The following PI16 variants were observed in gnomAD, a reference collection of about 807,000 sequenced individuals.
PI16 encodes the protein PSP94-binding protein.
PI16 carries 35 observed loss-of-function variants against 38.0 expected under a neutral mutation model. The observed-to-expected ratio is 0.92, with a 90% CI of 0.70 to 1.22. PI16 has a LOEUF of 1.22. PI16 is among the 50% of genes most tolerant of loss of function. The pLI is 0.00. For missense variants in PI16, 572 were observed against 593.8 expected, an observed-to-expected ratio of 0.96 and a Z score of 0.38; for synonymous variants, 275 against 252.9, an observed-to-expected ratio of 1.09 and a Z score of -0.83.
chr6:36,956,237 C>A (rs1030965244), intron 1 of PI16, among the ~76,000 whole-genome samples: 1 of 152,184 alleles, frequency 6.6e-6, no homozygotes, highest in Admixed American at 6.5e-5. Context: ...TGCCAGCCTG[C>A]ACATCGAGGA....
rs764737934 is a variant in PI16, at chr6:36,959,296, A to G, written c.323A>G (p.His108Arg). ...CCGCTGGCCATGGAGGAGTGGCACC[A>G]CGAGCGTGAGCACTACAACCTCAGC... ...DVPLAMEEWH[H>R]EREHYNLSAA... Residue 108 changes from histidine to arginine, a missense_variant, in exon 2 of 7, where the codon CAC (histidine) becomes CGC (arginine). Transcript: ENST00000373674. The G allele has an allele frequency of 1.9e-6, 3 of 1,592,228 alleles. No individual in the cohort carries two copies. In the South Asian group the frequency reaches 3.4e-5, roughly 18 times the overall value.
At chr6:36,957,055 C>G (rs1360606053) in intron 1 of PI16, among the ~76,000 whole-genome samples, 6 of 152,214 alleles carry the variant, frequency 3.9e-5, no homozygotes, top group Non-Finnish European at 8.8e-5. Flanking sequence ...TGTTCCCCAG[C>G]TTCTGGCCTC....
chr6:36,959,652 C>T (rs1283583369), intron 2 of PI16, among the ~76,000 whole-genome samples: 2 of 152,120 alleles, frequency 1.3e-5, no homozygotes, highest in Admixed American at 6.5e-5. Flanking sequence ...CTGGGAGGAT[C>T]GCTTAAGGCC....
chr6:36,960,841 G>A (rs1763344015), intron 2 of PI16, among the ~76,000 whole-genome samples: 1 of 152,088 alleles, frequency 6.6e-6, no homozygotes, highest in African/African-American at 2.4e-5. Context: ...TGGGCAGATT[G>A]AACCTAGAAC....
upstream of PI16, among the ~76,000 whole-genome samples, chr6:36,951,558 GT>G (rs1763100198): frequency 6.6e-6 from 1 of 152,112 alleles, no homozygotes; most frequent in African/African-American, 2.4e-5. Flanking sequence ...ACTTCAAATT[GT>G]TTTGTTGTTG....
upstream of PI16, among the ~76,000 whole-genome samples, chr6:36,951,767 C>T (rs1329558841): frequency 6.6e-6 from 1 of 151,870 alleles, no homozygotes; most frequent in East Asian, 2.0e-4. Context: ...GGCATGGTGG[C>T]GCATGTCTGA....
In PI16 at chr6:36,954,897, A is replaced by G. The variant is rs760126952; in HGVS notation, c.137A>G (p.Gln46Arg). 7 of 1,613,586 alleles carry G rather than the reference A, an allele frequency of 4.3e-6. No individual in the cohort carries two copies. In the Admixed American group the frequency reaches 1.2e-4, roughly 27 times the overall value. The stretch of plus-strand genomic sequence containing the variant: ...GAGCTGCACAACCTCTACCGGGCCC[A>G]GGTATCCCCGACGGCCTCAGACATG... ...MVELHNLYRA[Q>R]VSPTASDMLH... Residue 46 changes from glutamine to arginine, a missense_variant, in exon 1 of 7, where the codon CAG (glutamine) becomes CGG (arginine). Gln to Arg is a conservative substitution (Grantham distance 43, BLOSUM62 1). Coordinates refer to ENST00000373674, the MANE Select transcript of PI16 (RefSeq NM_153370.3).
At position 36,961,489 on chromosome 6, in the gene PI16, C is replaced by T. The variant is rs1401327548; in HGVS notation, c.432C>T (p.Ser144=). The T allele has an allele frequency of 6.2e-7, 1 of 1,614,184 alleles. No individual in the cohort carries two copies. The highest frequency in any genetic ancestry group is 8.5e-7 in the Non-Finnish European group (1 of 1,180,030). ...WAKTERIGCG[S]HFCEKLQGVE... ...AGACAGAGAGGATCGGCTGTGGTTC[C>T]CACTTCTGTGAGAAGCTCCAGGGTG... Residue 144 remains serine, a synonymous_variant, in exon 3 of 7, where the codon TCC becomes TCT. Coordinates refer to ENST00000373674, the MANE Select transcript of PI16 (RefSeq NM_153370.3).
In PI16 at chr6:36,963,427, A is replaced by C. The variant is rs748565660; in HGVS notation, c.1085A>C (p.Glu362Ala). Residue 362 changes from glutamate to alanine, a missense_variant, in exon 5 of 7, where the codon GAG becomes GCG. Transcript: ENST00000373674. ...HAQEEAEAEA[E>A]LPPSSEVLAS... Reference sequence around the variant, plus strand: ...CAGGAGGAGGCTGAGGCTGAGGCTGAGTTGCCTCCTTCCAGTGAGGTCTTG... The same window carrying C: ...CAGGAGGAGGCTGAGGCTGAGGCTGCGTTGCCTCCTTCCAGTGAGGTCTTG... 15 of 1,614,168 alleles carry C rather than the reference A, an allele frequency of 9.3e-6. No homozygotes were observed. The highest frequency in any genetic ancestry group is 3.3e-4 in the Middle Eastern group (2 of 6,062).
chr6:36,960,359 G>GTGTGTGTT (rs1413720981), intron 2 of PI16, among the ~76,000 whole-genome samples: 309 of 145,902 alleles, frequency 2.1e-3, no homozygotes, highest in African/African-American at 7.3e-3. Context: ...GTGTGTGTGT[G>GTGTGTGTT]TGTGTAGGGG....
chr6:36,963,118 C>T lies in PI16; in HGVS notation c.776C>T (p.Ala259Val). The T allele has an allele frequency of 6.2e-7, 1 of 1,614,242 alleles. No homozygotes were observed. Among genetic ancestry groups the T allele is most frequent in the Non-Finnish European group, 8.5e-7 (1 of 1,180,042 alleles). Reference sequence around the variant, plus strand: ...TCCCTGGCAACCAAGGCTCTGCCTGCTGTGGAAACCCAGGCCCCAACTTCC... The same window carrying T: ...TCCCTGGCAACCAAGGCTCTGCCTGTTGTGGAAACCCAGGCCCCAACTTCC... The part of the protein sequence containing the change: ...SGSLATKALP[A>V]VETQAPTSLA... Residue 259 changes from alanine to valine, a missense_variant, in exon 5 of 7, where the codon GCT becomes GTT. Transcript: ENST00000373674.
At chr6:36,950,868 G>A (rs147897485), upstream of PI16, among the ~76,000 whole-genome samples, 137 of 152,100 alleles carry the variant, frequency 9.0e-4, 2 homozygotes, top group African/African-American at 2.9e-3. This position sits in a 1 kb window ranked among gnomAD's most constrained non-coding sequence, Gnocchi z 4.2. Context: ...ACTCTTTCGC[G>A]TATATACCCA....
At chr6:36,954,962 G>T (rs764603697) in intron 1 of PI16, 31 bp downstream of exon 1, 5 of 1,604,660 alleles carry the variant, frequency 3.1e-6, no homozygotes, top group Non-Finnish European at 4.3e-6. Context: ...TGCTGGCTGG[G>T]ATGGAAGGGG....
rs1583234007 is a variant in PI16 at position 36,959,237 on chromosome 6, T to C, written c.264T>C (p.Asn88=). The change falls in exon 2 of 7, where the codon AAT becomes AAC. Residue 88 remains asparagine (N), a synonymous_variant. Transcript: ENST00000373674. ...AGGAGCGCGGGCGCCGCGGCGAGAA[T>C]CTGTTCGCCATCACAGACGAGGGCA... The part of the protein sequence containing the change: ...HNKERGRRGE[N]LFAITDEGMD... 6.2e-7 allele frequency: 1 copy of C among 1,609,396 alleles called. No homozygotes were observed. The highest frequency in any genetic ancestry group is 8.5e-7 in the Non-Finnish European group (1 of 1,178,476).
rs1763418904 is a variant in PI16, at chr6:36,963,180, G to A, written c.838G>A (p.Ala280Thr). The change falls in exon 5 of 7, where the codon GCT (alanine) becomes ACT (threonine). Residue 280 changes from alanine to threonine, a missense_variant. Ala to Thr is a moderately conservative substitution (Grantham distance 58). Transcript: ENST00000373674. Reference sequence around the variant, plus strand: ...AGACCCGCCCTCCATGGCAACAGAGGCTCCACCTTGCGTAACAACTGAGGT... The same window carrying A: ...AGACCCGCCCTCCATGGCAACAGAGACTCCACCTTGCGTAACAACTGAGGT... ...TKDPPSMATEAPPCVTTEVPS... is the reference protein window; with the variant it reads ...TKDPPSMATETPPCVTTEVPS... The A allele has an allele frequency of 6.2e-7, 1 of 1,614,208 alleles. No individual in the cohort carries two copies. The highest frequency in any genetic ancestry group is 8.5e-7 in the Non-Finnish European group (1 of 1,180,034).
chr6:36,954,788 C>T lies in PI16; in HGVS notation c.28C>T (p.Leu10Phe). The T allele has an allele frequency of 6.2e-7, 1 of 1,613,664 alleles. No individual in the cohort carries two copies. Among genetic ancestry groups the T allele is most frequent in the Non-Finnish European group, 8.5e-7 (1 of 1,179,902 alleles). Residue 10 changes from leucine to phenylalanine, a missense_variant, in exon 1 of 7, where the codon CTT becomes TTT. Transcript: ENST00000373674. ...GCACGGCTCCTGCAGTTTCCTGATG[C>T]TTCTGCTGCCGCTACTGCTACTGCT... MHGSCSFLM[L>F]LLPLLLLLVA...
intron 1 of PI16, among the ~76,000 whole-genome samples, chr6:36,957,208 T>G (rs1428410498): frequency 2.0e-5 from 3 of 152,160 alleles, no homozygotes; most frequent in African/African-American, 7.2e-5. Flanking sequence ...TGCCTATCTC[T>G]CCATCCTCCT....
In PI16 at chr6:36,962,182, C is replaced by A. The variant is rs561886367; in HGVS notation, c.592+208C>A. On this transcript the variant is annotated intron_variant, in intron 4 of 6. Transcript: ENST00000373674. This position sits in a 1 kb window ranked among gnomAD's most constrained non-coding sequence, Gnocchi z 4.1. Reference sequence around the variant, plus strand: ...GTCGTTCCAAGTGGCCGGATTTCAACCCTTCAAAGGGAGGATGTTAGAAAG... The same window carrying A: ...GTCGTTCCAAGTGGCCGGATTTCAAACCTTCAAAGGGAGGATGTTAGAAAG... 2.0e-5 allele frequency among the ~76,000 whole-genome samples: 3 copies of A among 152,274 alleles called. No homozygotes were observed. In the South Asian group the frequency reaches 6.2e-4, roughly 32 times the overall value.
rs147094001 is a variant in PI16 at position 36,962,804 on chromosome 6, A to C, written c.593-131A>C. 6.5e-4 allele frequency: 501 copies of C among 771,804 alleles called. 5 individuals are homozygous for C. The East Asian group carries it at 0.01, about 16-fold the overall frequency. 47.8% of individuals were successfully genotyped at this position (771,804 alleles called of 1,614,324 possible). The stretch of plus-strand genomic sequence containing the variant: ...TTTTATTTTCAATGAGGGGCATATC[A>C]GCTGGAGAAGTGTATGTGTGTGTTT... On this transcript the variant is annotated intron_variant, in intron 4 of 6. Transcript: ENST00000373674. The surrounding 1 kb of genome is among the most constrained non-coding windows in gnomAD (Gnocchi z 4.1).
Sources: allele counts gnomAD v4.1 joint callset (sites outside exome capture counted in the v4.1 genomes callset), GRCh38; gene constraint gnomAD v4.1.1; non-coding constraint Gnocchi (gnomAD v3.1); transcripts MANE v1.5; gene names NCBI Gene and HGNC (gene_info 2026-07-23, HGNC 2026-07-21).